The following DCK variants were observed in gnomAD, a reference collection of about 807,000 sequenced individuals.
The protein encoded by DCK is deoxyadenosine kinase.
DCK carries 23 observed loss-of-function variants against 38.3 expected under a neutral mutation model. The ratio of observed to expected loss-of-function variants is 0.60; its 90% CI spans 0.43 to 0.85. The LOEUF is 0.85. Ranked by LOEUF, DCK falls within the 40% of genes least tolerant of loss-of-function variation. DCK has a pLI of 0.00. For missense variants in DCK, 259 were observed against 304.4 expected, an observed-to-expected ratio of 0.85 and a Z score of 1.11; for synonymous variants, 108 against 100.6, an observed-to-expected ratio of 1.07 and a Z score of -0.44.
At chr4:70,995,818 C>T (rs1376547677) in intron 1 of DCK, among the ~76,000 whole-genome samples, 1 of 152,118 alleles carries the variant, frequency 6.6e-6, no homozygotes, top group Non-Finnish European at 1.5e-5. Context: ...TGTGTTATCC[C>T]CTGCTTAAAA....
rs369908369 is a variant in DCK, at chr4:71,007,726, C to CT, written c.207+9552dup. 8.4e-4 allele frequency among the ~76,000 whole-genome samples: 128 copies of CT among 151,894 alleles called. 2 individuals carry two copies. The highest frequency in any genetic ancestry group is 2.9e-3 in the African/African-American group (119 of 41,438). ...TTGAATTTTGTTTTTTAAAAATATTCTTTTTTTTGAGACAGGATTTCACTC... is the reference window on the plus strand; with the variant it reads ...TTGAATTTTGTTTTTTAAAAATATTCTTTTTTTTTGAGACAGGATTTCACTC... On this transcript the variant is annotated intron_variant, in intron 2 of 6. Transcript: ENST00000286648.
chr4:71,017,291 A>C, intron 2 of DCK, among the ~76,000 whole-genome samples: 1 of 152,242 alleles, frequency 6.6e-6, no homozygotes, highest in Non-Finnish European at 1.5e-5. Context: ...CAGGTGCTGC[A>C]GAGGATGTGG....
intron 1 of DCK, among the ~76,000 whole-genome samples, chr4:70,997,813 G>A (rs1008508136): frequency 6.6e-6 from 1 of 152,282 alleles, no homozygotes; most frequent in Non-Finnish European, 1.5e-5. Context: ...TTACTTCTAG[G>A]TCAAGACTGT....
chr4:71,026,094 G>T (rs1359767035), intron 5 of DCK, among the ~76,000 whole-genome samples, 163 bp downstream of exon 5: 2 of 151,894 alleles, frequency 1.3e-5, no homozygotes, highest in Non-Finnish European at 2.9e-5. Flanking sequence ...TCTCTTGATT[G>T]CAATGAGATC....
chr4:71,027,600 A>C (rs1740574541), intron 6 of DCK, among the ~76,000 whole-genome samples: 1 of 152,148 alleles, frequency 6.6e-6, no homozygotes, highest in South Asian at 2.1e-4. Context: ...TTTGTGGCAT[A>C]ATGTCTGCTG....
In DCK at chr4:70,998,116, T is replaced by C. The variant is rs924760736; in HGVS notation, c.141T>C (p.Asp47=). ...FVNILKQLCE[D]WEVVPEPVAR... is the part of the protein sequence containing the mutation. ...ATATCCTTAAACAATTGTGTGAAGA[T>C]TGGGAAGTGGTTCCTGAACCTGTTG... Residue 47 remains aspartate, a synonymous_variant, in exon 2 of 7, where the codon GAT becomes GAC. Transcript: ENST00000286648. The C allele has an allele frequency of 6.2e-7, 1 of 1,609,750 alleles. No individual in the cohort carries two copies. Among genetic ancestry groups the C allele is most frequent in the Non-Finnish European group, 8.5e-7 (1 of 1,177,108 alleles).
chr4:71,010,959 C>T (rs563735624), intron 2 of DCK, among the ~76,000 whole-genome samples: 22 of 145,626 alleles, frequency 1.5e-4, no homozygotes, highest in Non-Finnish European at 2.5e-4. Context: ...TTTTTTGAGA[C>T]GGAGTCTCGT....
At position 71,029,746 on chromosome 4, in the gene DCK, C is replaced by T. The variant is rs762403825; in HGVS notation, c.*368C>T. On this transcript the variant is annotated 3_prime_UTR_variant, in exon 7 of 7. Transcript: ENST00000286648. ...CTTTTTTCCCTGGTGCCTCTCACTT[C>T]GTTGGTGACCAGTTTCTTAAACTGA... The T allele has an allele frequency of 9.3e-5, 18 of 193,562 alleles. No homozygotes were observed. Among genetic ancestry groups the T allele is most frequent in the Non-Finnish European group, 1.8e-4 (17 of 95,572 alleles). 12.0% of individuals were successfully genotyped at this position (193,562 alleles called of 1,614,324 possible). A position where few individuals can be genotyped will look rare whatever the true frequency, so the allele number is the denominator to read the frequency against.
At chr4:70,999,467 C>T (rs892892898) in intron 2 of DCK, among the ~76,000 whole-genome samples, 38 of 152,046 alleles carry the variant, frequency 2.5e-4, no homozygotes, top group African/African-American at 8.5e-4. Context: ...TTGTGAATAG[C>T]GCTGGAGTAA....
rs1740671631 is a variant in DCK, at chr4:71,030,707, A to C, written c.*1329A>C. On this transcript the variant is annotated 3_prime_UTR_variant, in exon 7 of 7. Coordinates refer to ENST00000286648, the MANE Select transcript of DCK (RefSeq NM_000788.3). Reference sequence around the variant, plus strand: ...AATTTCAGTTCTAAAAAGATGTAATAATCATTTTAGAATTAAAATTTATTC... The same window carrying C: ...AATTTCAGTTCTAAAAAGATGTAATCATCATTTTAGAATTAAAATTTATTC... 1 of 152,160 alleles carries C rather than the reference A, an allele frequency of 6.6e-6. No individual in the cohort carries two copies. Among genetic ancestry groups the C allele is most frequent in the South Asian group, 2.1e-4 (1 of 4,830 alleles). The allele number at this position is 152,160 out of a possible 1,614,324, so 9.4% of individuals were successfully genotyped here. A position where few individuals can be genotyped will look rare whatever the true frequency, so the allele number is the denominator to read the frequency against.
At chr4:71,008,897 ATGTC>A (rs1479879374) in intron 2 of DCK, among the ~76,000 whole-genome samples, 13 of 152,352 alleles carry the variant, frequency 8.5e-5, no homozygotes, top group African/African-American at 3.1e-4. Context: ...AGTCATAAGA[ATGTC>A]TGAGAGCTAA....
At position 71,029,717 on chromosome 4, in the gene DCK, T is replaced by C. The variant is rs530782013; in HGVS notation, c.*339T>C. Reference sequence around the variant, plus strand: ...CCCCTCTTTTGTCTTCCTCAGCAGGTTGGCTTTTTTCCCTGGTGCCTCTCA... The same window carrying C: ...CCCCTCTTTTGTCTTCCTCAGCAGGCTGGCTTTTTTCCCTGGTGCCTCTCA... On this transcript the variant is annotated 3_prime_UTR_variant, in exon 7 of 7. Transcript: ENST00000286648. The C allele has an allele frequency of 2.8e-5, 6 of 217,298 alleles. 1 individual carries two copies. The South Asian group carries it at 5.2e-4, about 19-fold the overall frequency. 13.5% of individuals were successfully genotyped at this position (217,298 alleles called of 1,614,324 possible). A position where few individuals can be genotyped will look rare whatever the true frequency, so the allele number is the denominator to read the frequency against.
intron 6 of DCK, chr4:71,028,690 G>T: frequency 2.2e-6 from 1 of 444,704 alleles, no homozygotes; most frequent in Admixed American, 2.4e-5. Flanking sequence ...CCACCTCCCA[G>T]GTTCAACCAG....
intron 1 of DCK, among the ~76,000 whole-genome samples, chr4:70,995,663 A>G (rs1296041478): frequency 1.3e-5 from 2 of 152,090 alleles, no homozygotes; most frequent in Non-Finnish European, 1.5e-5. Context: ...CCTCTCTCCA[A>G]TCCAGTTAGG....
chr4:71,022,287 T>C lies in DCK; in HGVS notation c.208-80T>C, dbSNP rs1158183558. 7.9e-6 allele frequency: 6 copies of C among 762,336 alleles called. No individual in the cohort carries two copies. In the Admixed American group the frequency reaches 1.8e-4, roughly 22 times the overall value. 47.2% of individuals were successfully genotyped at this position (762,336 alleles called of 1,614,324 possible). A position where few individuals can be genotyped will look rare whatever the true frequency, so the allele number is the denominator to read the frequency against. On this transcript the variant is annotated intron_variant, in intron 2 of 6. Transcript: ENST00000286648. ...TGATTACATTTATTTATCTGACTTT[T>C]ATTTTTTAGCCTTAAAAATTAAAAT...
At chr4:71,012,069 C>T (rs1740112799) in intron 2 of DCK, among the ~76,000 whole-genome samples, 1 of 152,176 alleles carries the variant, frequency 6.6e-6, no homozygotes, top group South Asian at 2.1e-4. Flanking sequence ...GGGACTAAAA[C>T]TTACCTATAA....
At chr4:71,003,742 G>A (rs1178647224) in intron 2 of DCK, among the ~76,000 whole-genome samples, 3 of 151,870 alleles carry the variant, frequency 2.0e-5, no homozygotes, top group Admixed American at 2.0e-4. Context: ...CCACTTAATC[G>A]ATTCGGCTAT....
At chr4:71,024,067 G>C (rs1740492343) in intron 4 of DCK, among the ~76,000 whole-genome samples, 1 of 152,174 alleles carries the variant, frequency 6.6e-6, no homozygotes, top group Non-Finnish European at 1.5e-5. Flanking sequence ...TGGGCATTTT[G>C]ATTACTATTG....
At chr4:71,013,639 A>G (rs1266474945) in intron 2 of DCK, among the ~76,000 whole-genome samples, 9 of 152,174 alleles carry the variant, frequency 5.9e-5, no homozygotes, top group African/African-American at 1.4e-4. Flanking sequence ...GCAACCCAGA[A>G]TATCATATCC....
Sources: gnomAD v4.1 joint callset for allele counts (sites outside exome capture counted in the v4.1 genomes callset) on GRCh38, gnomAD v4.1.1 for gene constraint, MANE v1.5 for transcripts, NCBI Gene and HGNC (gene_info 2026-07-23, HGNC 2026-07-21) for gene names.